SLC7A2: variants seen among roughly 807,000 people sequenced by gnomAD.
SLC7A2 encodes cationic amino acid transporter 2.
SLC7A2 carries 48 observed loss-of-function variants against 58.9 expected under a neutral mutation model. That is an observed-to-expected ratio of 0.82 (90% confidence interval 0.65 to 1.04). SLC7A2 has a LOEUF of 1.04. Ranked by LOEUF, SLC7A2 falls within the 50% of genes least tolerant of loss-of-function variation. The probability of loss-of-function intolerance (pLI) is 0.00; values close to 1 mark genes in which losing one functional copy is unlikely to be tolerated. For missense variants in SLC7A2, 1,029 were observed against 818.8 expected, an observed-to-expected ratio of 1.26 and a Z score of -3.13; for synonymous variants, 363 against 314.5, an observed-to-expected ratio of 1.15 and a Z score of -1.63.
intron 2 of SLC7A2, among the ~76,000 whole-genome samples, chr8:17,516,235 T>A (rs1034199806): frequency 1.8e-4 from 2 of 11,332 alleles, no homozygotes; most frequent in East Asian, 8.6e-3. Context: ...ATTAATTAAT[T>A]TTTTTTTTGA....
intron 2 of SLC7A2, among the ~76,000 whole-genome samples, chr8:17,522,678 C>G (rs1369089347): frequency 6.6e-6 from 1 of 152,056 alleles, no homozygotes; most frequent in Non-Finnish European, 1.5e-5. Context: ...ATACTAGGGT[C>G]AAATTCTAGC....
At chr8:17,509,121 C>G (rs1286053180) in intron 2 of SLC7A2, among the ~76,000 whole-genome samples, 1 of 152,070 alleles carries the variant, frequency 6.6e-6, no homozygotes, top group African/African-American at 2.4e-5. Context: ...TTCGAGTCAT[C>G]TGTTTAAAGA....
At chr8:17,547,605 A>G (rs1324393229) in intron 4 of SLC7A2, among the ~76,000 whole-genome samples, 2 of 152,216 alleles carry the variant, frequency 1.3e-5, no homozygotes, top group African/African-American at 4.8e-5. Context: ...ATAGAAGTAA[A>G]TGGAAAGTGT....
intron 2 of SLC7A2, among the ~76,000 whole-genome samples, chr8:17,508,580 T>A (rs762899634): frequency 6.6e-6 from 1 of 152,052 alleles, no homozygotes; most frequent in Non-Finnish European, 1.5e-5. Flanking sequence ...AAAAATTAGC[T>A]GGGTGTGGTG....
chr8:17,519,670 T>C (rs1800937537), intron 2 of SLC7A2, among the ~76,000 whole-genome samples: 1 of 152,174 alleles, frequency 6.6e-6, no homozygotes, highest in Non-Finnish European at 1.5e-5. Context: ...CCCTTCACAC[T>C]TTTTCTCTAA....
intron 2 of SLC7A2, among the ~76,000 whole-genome samples, chr8:17,506,680 C>G (rs1447861018): frequency 1.3e-5 from 2 of 152,122 alleles, no homozygotes; most frequent in African/African-American, 2.4e-5. Context: ...AGACTGGAGT[C>G]CAAGCATATT....
Position 17,558,374 on chromosome 8 carries a change from G to A in SLC7A2, c.1275G>A (p.Val425=). The A allele has an allele frequency of 6.2e-7, 1 of 1,612,908 alleles. No individual in the cohort carries two copies. Among genetic ancestry groups the A allele is most frequent in the African/African-American group, 1.3e-5 (1 of 74,972 alleles). ...GCACACTCATGGCCTACTCTCTGGTGGCAGCCTGTGTTCTCATCCTCAGGT... is the reference window on the plus strand; with the variant it reads ...GCACACTCATGGCCTACTCTCTGGTAGCAGCCTGTGTTCTCATCCTCAGGT... ...SIGTLMAYSL[V]AACVLILRYQ... Residue 425 remains valine (V), a synonymous_variant, in exon 9 of 13, where the codon GTG becomes GTA. Transcript: ENST00000494857.
intron 2 of SLC7A2, among the ~76,000 whole-genome samples, chr8:17,508,445 C>T (rs561666961): frequency 9.9e-5 from 15 of 152,202 alleles, no homozygotes; most frequent in South Asian, 4.1e-4. Flanking sequence ...TCAATTGAGC[C>T]GGGCACAGTG....
At chr8:17,532,358 G>A (rs1801496718) in intron 2 of SLC7A2, among the ~76,000 whole-genome samples, 1 of 149,990 alleles carries the variant, frequency 6.7e-6, no homozygotes, top group Non-Finnish European at 1.5e-5. Flanking sequence ...CAATCCCAGT[G>A]TGAGCATGGA....
intron 2 of SLC7A2, among the ~76,000 whole-genome samples, chr8:17,530,017 C>T (rs911631128): frequency 1.3e-5 from 2 of 152,172 alleles, no homozygotes; most frequent in African/African-American, 4.8e-5. Context: ...TTGCATTCAA[C>T]ACCAGCACTT....
rs768275079 is a variant in SLC7A2, at chr8:17,543,534, C to T, written c.195C>T (p.Gly65=). Residue 65 remains glycine, a synonymous_variant, in exon 3 of 13, where the codon GGC becomes GGT. Coordinates refer to ENST00000494857, the MANE Select transcript of SLC7A2 (RefSeq NM_001370338.1). Reference sequence around the variant, plus strand: ...GGGAGGTGGCCAAGGCAGACTCGGGCCCCAGCATCGTGGTGTCCTTCCTCA... The same window carrying T: ...GGGAGGTGGCCAAGGCAGACTCGGGTCCCAGCATCGTGGTGTCCTTCCTCA... ...LAGEVAKADS[G]PSIVVSFLIA... 1.9e-6 allele frequency: 3 copies of T among 1,612,696 alleles called. No individual in the cohort carries two copies. The highest frequency in any genetic ancestry group is 1.3e-5 in the African/African-American group (1 of 74,860).
At chr8:17,539,028 A>C (rs1261029014) in intron 2 of SLC7A2, 1 of 960,594 alleles carries the variant, frequency 1.0e-6, no homozygotes, top group Non-Finnish European at 1.6e-6. Context: ...AAGTGACTCA[A>C]TGCAACTTCA....
intron 1 of SLC7A2, among the ~76,000 whole-genome samples, chr8:17,499,769 C>T (rs1338044710): frequency 2.6e-5 from 4 of 151,928 alleles, no homozygotes; most frequent in Admixed American, 6.6e-5. Flanking sequence ...GCTTGAAAAT[C>T]GAAGCTGTTA....
At chr8:17,530,985 G>C (rs926231790) in intron 2 of SLC7A2, among the ~76,000 whole-genome samples, 5 of 152,080 alleles carry the variant, frequency 3.3e-5, no homozygotes, top group African/African-American at 1.2e-4. Context: ...ATATTTCTAA[G>C]CGTATTTAAA....
rs370916645 is a variant in SLC7A2 at position 17,565,051 on chromosome 8, G to A, written c.1882G>A (p.Ala628Thr). 54 of 1,613,710 alleles carry A rather than the reference G, an allele frequency of 3.3e-5. No homozygotes were observed. Among genetic ancestry groups the A allele is most frequent in the Non-Finnish European group, 4.2e-5 (49 of 1,179,852 alleles). Residue 628 changes from alanine (A) to threonine (T), a missense_variant, in exon 13 of 13, where the codon GCA becomes ACA. By Grantham distance (58) the Ala-to-Thr change is moderately conservative (BLOSUM62 0). Coordinates refer to ENST00000494857, the MANE Select transcript of SLC7A2 (RefSeq NM_001370338.1). ...TGCTTATCCAGACAACGTTCATGCA[G>A]CAGCAGAAGAAAAATCTGCCATTCA... Reference protein sequence around the residue: ...EDAYPDNVHAAAEEKSAIQAN... With the variant: ...EDAYPDNVHATAEEKSAIQAN...
intron 5 of SLC7A2, 25 bp from the exon 6 acceptor site, chr8:17,550,276 C>T: frequency 6.2e-7 from 1 of 1,608,502 alleles, no homozygotes; most frequent in Non-Finnish European, 8.5e-7. Context: ...AAGTGACTTT[C>T]CAATGTGTTT....
intron 9 of SLC7A2, 64 bp from the exon 10 acceptor site, chr8:17,560,264 G>A: frequency 7.9e-7 from 1 of 1,258,200 alleles, no homozygotes; most frequent in Non-Finnish European, 1.2e-6. Flanking sequence ...GGTTTTAGGT[G>A]CTGGTTTCAC....
At chr8:17,552,131 G>T in intron 7 of SLC7A2, 145 bp downstream of exon 7, 1 of 648,880 alleles carries the variant, frequency 1.5e-6, no homozygotes, top group South Asian at 2.0e-5. Context: ...GGCTTGCTCA[G>T]AATTTCCACA....
At chr8:17,501,969 G>A (rs1467061705) in intron 1 of SLC7A2, among the ~76,000 whole-genome samples, 1 of 151,410 alleles carries the variant, frequency 6.6e-6, no homozygotes, top group African/African-American at 2.4e-5. Flanking sequence ...TATGTCCCTT[G>A]TTGATTCTTA....
Sources: gnomAD v4.1 joint callset for allele counts (sites outside exome capture counted in the v4.1 genomes callset) on GRCh38, gnomAD v4.1.1 for gene constraint, MANE v1.5 for transcripts, NCBI Gene and HGNC (gene_info 2026-07-23, HGNC 2026-07-21) for gene names.